Variants in PHKB observed in about 807,000 individuals in gnomAD.
PHKB encodes phosphorylase kinase regulatory subunit beta, also known as phosphorylase b kinase regulatory subunit beta.
A neutral mutation model predicts 152.1 loss-of-function variants in PHKB; 122 were observed. The observed-to-expected ratio is 0.80, with a 90% CI of 0.69 to 0.93. PHKB has a LOEUF of 0.93. PHKB is among the 40% of genes least tolerant of loss of function. The pLI is 0.00. For missense variants in PHKB, 1,304 were observed against 1,328.4 expected (o/e 0.98, Z 0.29); for synonymous variants, 436 against 464.9 (o/e 0.94, Z 0.80).
chr16:47,660,521 G>A lies in PHKB; in HGVS notation c.1987G>A (p.Ala663Thr), dbSNP rs1973422409. 1 of 1,613,320 alleles carries A rather than the reference G, an allele frequency of 6.2e-7. No homozygotes were observed. The highest frequency in any genetic ancestry group is 1.3e-5 in the African/African-American group (1 of 74,896). Residue 663 changes from alanine (A) to threonine (T), a missense_variant, in exon 21 of 31, where the codon GCT becomes ACT. By Grantham distance (58) the Ala-to-Thr change is moderately conservative (BLOSUM62 0). Coordinates refer to ENST00000323584, the MANE Select transcript of PHKB (RefSeq NM_000293.3). ...VDRLQTLISGAVVEQLDFLRI... is the reference protein window; with the variant it reads ...VDRLQTLISGTVVEQLDFLRI... ...CACGTTTCAGACACTAATATCTGGA[G>A]CTGTGGTAGAACAACTTGATTTCCT...
At position 47,512,854 on chromosome 16, in the gene PHKB, T is replaced by G. The variant is rs72800663; in HGVS notation, c.513+1082T>G. ...CCTTACTAAATAAAGAGTATCTCCT[T>G]TTTATAGTCCCTCTCACTTTAGATA... On this transcript the variant is annotated intron_variant, in intron 5 of 30. Transcript: ENST00000323584. Among the ~76,000 whole-genome samples, 576 of 152,310 alleles carry G rather than the reference T, an allele frequency of 3.8e-3. 4 individuals carry two copies. Among genetic ancestry groups the G allele is most frequent in the Non-Finnish European group, 5.4e-3 (370 of 68,022 alleles).
At chr16:47,599,836 T>C (rs1972189424) in intron 13 of PHKB, among the ~76,000 whole-genome samples, 2 of 152,214 alleles carry the variant, frequency 1.3e-5, no homozygotes, top group Admixed American at 1.3e-4. Context: ...AACCCACTGG[T>C]TAAGACAAAT....
intron 13 of PHKB, among the ~76,000 whole-genome samples, chr16:47,605,061 T>C (rs1972298403): frequency 6.6e-6 from 1 of 152,126 alleles, no homozygotes; most frequent in African/African-American, 2.4e-5. Context: ...ATCAATGCAG[T>C]GGGGAAAAAA....
intron 20 of PHKB, among the ~76,000 whole-genome samples, chr16:47,656,597 T>C (rs1000980045): frequency 2.6e-5 from 4 of 152,206 alleles, no homozygotes; most frequent in Admixed American, 2.6e-4. Context: ...TGGTGTTAAC[T>C]ACATTCACTT....
chr16:47,625,656 C>T, intron 14 of PHKB, among the ~76,000 whole-genome samples: 1 of 152,148 alleles, frequency 6.6e-6, no homozygotes, highest in Non-Finnish European at 1.5e-5. Context: ...GACCATCAAT[C>T]TAAAGTAGCC....
At chr16:47,496,953 T>C (rs72800660) in intron 1 of PHKB, among the ~76,000 whole-genome samples, 4,460 of 152,280 alleles carry the variant, frequency 0.029, 138 homozygotes, top group East Asian at 0.091. Flanking sequence ...GTGAACATTA[T>C]CTTCTTTCCT....
At chr16:47,473,354 C>T (rs559739605) in intron 1 of PHKB, among the ~76,000 whole-genome samples, 18 of 148,714 alleles carry the variant, frequency 1.2e-4, no homozygotes, top group Non-Finnish European at 2.4e-4. Context: ...AGATTATAGG[C>T]GTGAGCCACT....
At chr16:47,621,369 T>C (rs1431927990) in intron 14 of PHKB, among the ~76,000 whole-genome samples, 1 of 152,230 alleles carries the variant, frequency 6.6e-6, no homozygotes, top group Non-Finnish European at 1.5e-5. Flanking sequence ...ATACATTATA[T>C]AGCACTCCTA....
chr16:47,557,197 T>A (rs1971389013), intron 7 of PHKB, among the ~76,000 whole-genome samples: 1 of 152,224 alleles, frequency 6.6e-6, no homozygotes, highest in Admixed American at 6.5e-5. Flanking sequence ...AATCTGAAAC[T>A]GGATCCCTTC....
At chr16:47,603,139 A>G (rs978540787) in intron 13 of PHKB, among the ~76,000 whole-genome samples, 1 of 152,194 alleles carries the variant, frequency 6.6e-6, no homozygotes, top group Non-Finnish European at 1.5e-5. Flanking sequence ...CCCCTAGTGT[A>G]TGTATATAAG....
intron 26 of PHKB, among the ~76,000 whole-genome samples, chr16:47,671,886 C>G (rs971714786): frequency 2.0e-5 from 3 of 151,890 alleles, no homozygotes. Context: ...TCCTATATAC[C>G]GACATTTATG....
At chr16:47,668,664 G>A (rs573762728) in intron 25 of PHKB, among the ~76,000 whole-genome samples, 171 of 152,214 alleles carry the variant, frequency 1.1e-3, no homozygotes, top group African/African-American at 4.1e-3. Flanking sequence ...TGAGAGATCT[G>A]TCACCACATA....
intron 1 of PHKB, among the ~76,000 whole-genome samples, chr16:47,477,894 T>C (rs1969896125): frequency 6.6e-6 from 1 of 152,214 alleles, no homozygotes; most frequent in Non-Finnish European, 1.5e-5. Context: ...TGCTATTTAA[T>C]AGGCCTTGTG....
At chr16:47,695,677 C>T (rs1974134861) in intron 28 of PHKB, among the ~76,000 whole-genome samples, 1 of 152,162 alleles carries the variant, frequency 6.6e-6, no homozygotes, top group Non-Finnish European at 1.5e-5. Context: ...ATGATCTAGT[C>T]ACCCCATCTG....
At position 47,542,951 on chromosome 16, in the gene PHKB, G is replaced by C. The variant is rs530582423; in HGVS notation, c.595-4482G>C. On this transcript the variant is annotated intron_variant, in intron 6 of 30. Coordinates refer to ENST00000323584, the MANE Select transcript of PHKB (RefSeq NM_000293.3). Reference sequence around the variant, plus strand: ...TACAATCATGTCATCTGCAAACAGAGAGAATTTGACTTCCTCTTTTCCTAA... The same window carrying C: ...TACAATCATGTCATCTGCAAACAGACAGAATTTGACTTCCTCTTTTCCTAA... Among the ~76,000 whole-genome samples the C allele has an allele frequency of 8.5e-5, 13 of 152,336 alleles. 1 individual carries two copies. Among genetic ancestry groups the C allele is most frequent in the African/African-American group, 2.9e-4 (12 of 41,588 alleles).
At chr16:47,553,660 T>G (rs928655377) in intron 7 of PHKB, among the ~76,000 whole-genome samples, 2 of 152,200 alleles carry the variant, frequency 1.3e-5, no homozygotes, top group African/African-American at 4.8e-5. Flanking sequence ...TTTCTCCCCC[T>G]GTTCGTCGAT....
chr16:47,583,140 A>G (rs1340820012), intron 8 of PHKB, among the ~76,000 whole-genome samples: 1 of 152,236 alleles, frequency 6.6e-6, no homozygotes, highest in Non-Finnish European at 1.5e-5. Context: ...TGTTGCCAGT[A>G]AAGTCCCTTC....
chr16:47,570,919 A>G (rs1971647530), intron 7 of PHKB, among the ~76,000 whole-genome samples: 1 of 151,836 alleles, frequency 6.6e-6, no homozygotes, highest in Admixed American at 6.6e-5. Flanking sequence ...ACTATTTTTT[A>G]TTATTATTAT....
intron 16 of PHKB, among the ~76,000 whole-genome samples, chr16:47,648,316 G>A (rs1973171268): frequency 6.6e-6 from 1 of 152,110 alleles, no homozygotes; most frequent in African/African-American, 2.4e-5. Context: ...TAAGAATGTT[G>A]CTAAGTAGAT....
Sources: gnomAD v4.1 joint callset for allele counts (sites outside exome capture counted in the v4.1 genomes callset) on GRCh38, gnomAD v4.1.1 for gene constraint, MANE v1.5 for transcripts, NCBI Gene and HGNC (gene_info 2026-07-23, HGNC 2026-07-21) for gene names.